PDE8B: variants seen among roughly 807,000 people sequenced by gnomAD.
PDE8B encodes high affinity cAMP-specific and IBMX-insensitive 3',5'-cyclic phosphodiesterase 8B.
Under a neutral mutation model 101.3 loss-of-function variants are expected in PDE8B, and 26 were observed. The observed-to-expected ratio is 0.26, with a 90% CI of 0.19 to 0.36. The LOEUF (loss-of-function observed/expected upper bound fraction) is 0.36. Ranked by LOEUF, PDE8B falls within the 10% of genes least tolerant of loss-of-function variation. The pLI is 1.00. For missense variants in PDE8B, 810 were observed against 1,163.1 expected (o/e 0.70, Z 4.42); for synonymous variants, 424 against 429.3 (o/e 0.99, Z 0.15).
At chr5:77,319,860 C>T (rs1164619164) in intron 2 of PDE8B, among the ~76,000 whole-genome samples, 1 of 152,172 alleles carries the variant, frequency 6.6e-6, no homozygotes, top group Non-Finnish European at 1.5e-5. Context: ...ATGCTCACTT[C>T]GTATCGTAAC....
At chr5:77,280,768 A>G (rs761985973) in intron 1 of PDE8B, among the ~76,000 whole-genome samples, 21 of 152,164 alleles carry the variant, frequency 1.4e-4, no homozygotes, top group Non-Finnish European at 1.3e-4. Flanking sequence ...GTGGTGGCAC[A>G]TGCCTGTAAT....
intron 6 of PDE8B, among the ~76,000 whole-genome samples, chr5:77,344,016 A>G (rs1779709996): frequency 6.6e-6 from 1 of 152,116 alleles, no homozygotes; most frequent in African/African-American, 2.4e-5. Context: ...CCTCAGGGGC[A>G]ATAACACACA....
chr5:77,112,413 A>G, the PDE8B span: 1 of 152,164 alleles, frequency 6.6e-6, no homozygotes, highest in African/African-American at 2.4e-5. Flanking sequence ...TTTTACAAAC[A>G]CATTGCAGAC....
chr5:77,332,218 G>A (rs1581089647), intron 5 of PDE8B, among the ~76,000 whole-genome samples: 1 of 152,032 alleles, frequency 6.6e-6, no homozygotes. Context: ...AAGAAAACAA[G>A]TCCTTATAGA....
the PDE8B span, among the ~76,000 whole-genome samples, chr5:77,100,049 A>G: frequency 2.0e-5 from 3 of 152,374 alleles, no homozygotes; most frequent in African/African-American, 7.2e-5. Flanking sequence ...GAACTGGTAC[A>G]GAGATTTATC....
At chr5:77,294,030 G>A (rs1767965902) in intron 1 of PDE8B, among the ~76,000 whole-genome samples, 1 of 152,118 alleles carries the variant, frequency 6.6e-6, no homozygotes, top group South Asian at 2.1e-4. Flanking sequence ...TATTTTGAAA[G>A]CAGAAGTTTT....
At position 77,414,420 on chromosome 5, in the gene PDE8B, A is replaced by T. The variant is rs1333179376; in HGVS notation, c.1911+1111A>T. On this transcript the variant is annotated intron_variant, in intron 17 of 21. Coordinates refer to ENST00000264917, the MANE Select transcript of PDE8B (RefSeq NM_003719.5). ...CTACAGGTTCATGCTCCTCTTTTTTAAAATTTTTTTATTTTTTTGAGATGG... is the reference window on the plus strand; with the variant it reads ...CTACAGGTTCATGCTCCTCTTTTTTTAAATTTTTTTATTTTTTTGAGATGG... 2.6e-5 allele frequency among the ~76,000 whole-genome samples: 4 copies of T among 152,072 alleles called. No homozygotes were observed. In the East Asian group the frequency reaches 5.8e-4, roughly 22 times the overall value.
At chr5:77,359,960 G>T (rs538821406) in intron 10 of PDE8B, among the ~76,000 whole-genome samples, 2 of 152,040 alleles carry the variant, frequency 1.3e-5, no homozygotes, top group South Asian at 2.1e-4. Context: ...GCCAGGCGTG[G>T]TGCACCTGTA....
chr5:77,378,474 A>C (rs1283675156), intron 10 of PDE8B, among the ~76,000 whole-genome samples: 2 of 147,206 alleles, frequency 1.4e-5, no homozygotes, highest in Non-Finnish European at 3.1e-5. Flanking sequence ...AAAAAAAAAA[A>C]AAAAAAAAAA....
chr5:77,160,124 A>T, the PDE8B span, among the ~76,000 whole-genome samples: 1 of 152,192 alleles, frequency 6.6e-6, no homozygotes, highest in African/African-American at 2.4e-5. Context: ...AGGAGTTTGC[A>T]TATATACTGA....
the PDE8B span, among the ~76,000 whole-genome samples, chr5:77,111,232 G>A: frequency 0.017 from 2,642 of 152,208 alleles, 88 homozygotes; most frequent in African/African-American, 0.059. Flanking sequence ...AGAGGTATTT[G>A]GGAAGATGGG....
At chr5:77,307,981 G>A (rs924138965) in intron 1 of PDE8B, among the ~76,000 whole-genome samples, 1 of 152,220 alleles carries the variant, frequency 6.6e-6, no homozygotes, top group African/African-American at 2.4e-5. Flanking sequence ...TTGAAGTAGA[G>A]AATCTTGGCC....
the PDE8B span, among the ~76,000 whole-genome samples, chr5:77,170,035 G>A: frequency 0.054 from 8,151 of 152,210 alleles, 591 homozygotes; most frequent in East Asian, 0.38. Context: ...AAGCAAAAAG[G>A]ATTAATGTGG....
At chr5:77,300,267 A>G (rs1383616101) in intron 1 of PDE8B, among the ~76,000 whole-genome samples, 2 of 152,248 alleles carry the variant, frequency 1.3e-5, no homozygotes, top group Non-Finnish European at 2.9e-5. Context: ...GAAGAGGATG[A>G]TGTCAGTGGA....
intron 1 of PDE8B, among the ~76,000 whole-genome samples, chr5:77,304,051 TA>T (rs913360690): frequency 7.9e-5 from 12 of 152,204 alleles, no homozygotes; most frequent in African/African-American, 2.9e-4. Context: ...GATACACTCA[TA>T]TAGGAGGCTG....
intron 1 of PDE8B, among the ~76,000 whole-genome samples, chr5:77,296,948 T>C (rs960281660): frequency 6.6e-6 from 1 of 152,226 alleles, no homozygotes; most frequent in Non-Finnish European, 1.5e-5. Context: ...TTTAACTGCC[T>C]TTCCTGTATG....
rs188187902 is a variant in PDE8B, at chr5:77,286,558, C to T, written c.340-25436C>T. Among the ~76,000 whole-genome samples the T allele has an allele frequency of 3.8e-3, 584 of 152,064 alleles. 6 individuals are homozygous for T. The highest frequency in any genetic ancestry group is 7.9e-3 in the South Asian group (38 of 4,816). ...CTCCAAATCTGCCTGCTTTTGTTCA[C>T]GCTCCAGAGCCCTTAGGTTGTCATT... is the stretch of plus-strand genomic sequence containing the variant. On this transcript the variant is annotated intron_variant, in intron 1 of 21. Transcript: ENST00000264917.
At chr5:77,291,686 C>T in intron 1 of PDE8B, 2 of 1,595,422 alleles carry the variant, frequency 1.3e-6, no homozygotes, top group South Asian at 1.1e-5. Flanking sequence ...GAGAAAAGCA[C>T]ACTGGTGGTG....
At chr5:77,106,553 A>G in the PDE8B span, among the ~76,000 whole-genome samples, 4 of 152,324 alleles carry the variant, frequency 2.6e-5, no homozygotes, top group South Asian at 6.2e-4. Context: ...AGTTTTATAG[A>G]AAGTATTAAA....
Sources: gnomAD v4.1 joint callset for allele counts (sites outside exome capture counted in the v4.1 genomes callset) on GRCh38, gnomAD v4.1.1 for gene constraint, MANE v1.5 for transcripts, NCBI Gene and HGNC (gene_info 2026-07-23, HGNC 2026-07-21) for gene names.